The following WASHC2A variants were observed in gnomAD, a reference collection of about 807,000 sequenced individuals.
The protein encoded by WASHC2A is WASH complex subunit FAM21A.
In WASHC2A, 82 loss-of-function variants were observed where a neutral mutation model predicts 140.3. That is an observed-to-expected ratio of 0.58 (90% CI 0.49 to 0.70). WASHC2A has a LOEUF of 0.70. Among genes scored for constraint, WASHC2A ranks in the 30% least tolerant of loss-of-function variants. The pLI is 0.00. For missense variants in WASHC2A, 985 were observed against 1,521.8 expected, an observed-to-expected ratio of 0.65 and a Z score of 5.87; for synonymous variants, 340 against 560.8, an observed-to-expected ratio of 0.61 and a Z score of 5.56.
At chr10:50,126,375 T>A in intron 26 of WASHC2A, 196 bp downstream of exon 26, 1 of 746,426 alleles carries the variant, frequency 1.3e-6, no homozygotes, top group Non-Finnish European at 2.2e-6. Flanking sequence ...GTTTCATGAA[T>A]CTATACTTTA....
chr10:50,080,389 C>T (rs1353876175), intron 4 of WASHC2A, among the ~76,000 whole-genome samples: 1 of 148,482 alleles, frequency 6.7e-6, no homozygotes, highest in East Asian at 2.0e-4. Context: ...CAAGGGATAA[C>T]CAGGGCTCGT....
At chr10:50,105,988 C>T (rs1554888371) in intron 18 of WASHC2A, among the ~76,000 whole-genome samples, 1 of 152,206 alleles carries the variant, frequency 6.6e-6, no homozygotes, top group East Asian at 1.9e-4. Context: ...CTCCCGTGCC[C>T]ATTGCAGGCT....
chr10:50,104,882 TATA>T (rs1841599201), intron 18 of WASHC2A, among the ~76,000 whole-genome samples: 1 of 149,998 alleles, frequency 6.7e-6, no homozygotes, highest in African/African-American at 2.5e-5. Flanking sequence ...ATATAAATAG[TATA>T]ATATCTATTT....
chr10:50,123,687 T>C (rs1168347485), intron 23 of WASHC2A, among the ~76,000 whole-genome samples: 2 of 149,910 alleles, frequency 1.3e-5, no homozygotes, highest in Non-Finnish European at 2.9e-5. Context: ...TACCAAAAAA[T>C]CATTACATTT....
In WASHC2A at chr10:50,113,917, T is replaced by C; in HGVS notation, c.2062T>C (p.Ser688Pro). The C allele has an allele frequency of 2.4e-6, 1 of 422,832 alleles. No individual in the cohort carries two copies. Among genetic ancestry groups the C allele is most frequent in the Non-Finnish European group, 3.8e-6 (1 of 260,882 alleles). 26.2% of individuals were successfully genotyped at this position (422,832 alleles called of 1,614,324 possible). A position where few individuals can be genotyped will look rare whatever the true frequency, so the allele number is the denominator to read the frequency against. The change falls in exon 21 of 31, where the codon TCA (serine) becomes CCA (proline). Residue 688 changes from serine (S) to proline (P), a missense_variant. Physicochemically the swap from Ser to Pro is moderately conservative, Grantham distance 74. Coordinates refer to ENST00000282633, the MANE Select transcript of WASHC2A (RefSeq NM_001005751.3). ...TAGCCAAAAGAAGACCCAGAGAGTG[T>C]CACTCCTCTTTGAAGACGATGTTGA... ...KDSQKKTQRV[S>P]LLFEDDVDSG...
chr10:50,100,339 G>A (rs1840993019), intron 17 of WASHC2A, among the ~76,000 whole-genome samples: 1 of 151,344 alleles, frequency 6.6e-6, no homozygotes, highest in Admixed American at 6.6e-5. Context: ...AAAATTAGCT[G>A]GGTATGGTGG....
chr10:50,090,515 A>AATATAT (rs1203140565), intron 8 of WASHC2A, among the ~76,000 whole-genome samples: 4 of 108,732 alleles, frequency 3.7e-5, no homozygotes, highest in African/African-American at 1.3e-4. Flanking sequence ...AAAAAAAAAA[A>AATATAT]ATATATATAT....
At chr10:50,081,210 T>C (rs1417275963) in intron 5 of WASHC2A, among the ~76,000 whole-genome samples, 6 of 124,322 alleles carry the variant, frequency 4.8e-5, no homozygotes, top group African/African-American at 1.8e-4. Flanking sequence ...GAGACATACA[T>C]ACGAATAACC....
intron 19 of WASHC2A, among the ~76,000 whole-genome samples, chr10:50,108,985 C>T (rs1423286720): frequency 1.1e-3 from 173 of 151,122 alleles, no homozygotes; most frequent in African/African-American, 3.9e-3. Context: ...GGTACAGCCT[C>T]GTCATTGGAG....
At chr10:50,086,812 A>T (rs2132497656) in intron 7 of WASHC2A, among the ~76,000 whole-genome samples, 1 of 119,762 alleles carries the variant, frequency 8.3e-6, no homozygotes, top group Middle Eastern at 3.8e-3. Context: ...TCCATGGTGT[A>T]TATGTGCCAC....
Position 50,087,323 on chromosome 10 carries a change from G to A in WASHC2A, c.732+1G>A. 6.2e-7 allele frequency: 1 copy of A among 1,613,888 alleles called. No individual in the cohort carries two copies. Among genetic ancestry groups the A allele is most frequent in the Non-Finnish European group, 8.5e-7 (1 of 1,179,848 alleles). ...TCATAGTGACAATGAACAAAACCGG[G>A]TAAGGCTCATATATTGAAATGACTT... On this transcript the variant is annotated splice_donor_variant, in intron 8 of 30. Coordinates refer to ENST00000282633, the MANE Select transcript of WASHC2A (RefSeq NM_001005751.3). LOFTEE classifies it high-confidence loss of function.
intron 8 of WASHC2A, among the ~76,000 whole-genome samples, chr10:50,088,512 G>C (rs61843872): frequency 2.0e-5 from 3 of 151,642 alleles, no homozygotes; most frequent in Non-Finnish European, 4.4e-5. Flanking sequence ...CGCCCACTTC[G>C]CCCTCCCAGA....
intron 17 of WASHC2A, among the ~76,000 whole-genome samples, chr10:50,103,119 G>A (rs2132740946): frequency 6.6e-6 from 1 of 151,096 alleles, no homozygotes. Flanking sequence ...CAAAATGCTG[G>A]GATTATAGAC....
chr10:50,104,362 A>G (rs1420641483), intron 18 of WASHC2A, among the ~76,000 whole-genome samples: 3 of 140,130 alleles, frequency 2.1e-5, no homozygotes, highest in African/African-American at 7.6e-5. Context: ...TTCTTGATGC[A>G]GTTCTTTTTT....
chr10:50,132,365 A>G (rs934891934), intron 30 of WASHC2A, among the ~76,000 whole-genome samples: 1 of 152,280 alleles, frequency 6.6e-6, no homozygotes, highest in East Asian at 1.9e-4. Context: ...ACAGTCTTAC[A>G]TCGAGATGCC....
Position 50,069,526 on chromosome 10 carries a change from T to C in WASHC2A, c.127-21T>C, listed in dbSNP as rs781868691. 32 of 1,609,494 alleles carry C rather than the reference T, an allele frequency of 2.0e-5. No homozygotes were observed. The Admixed American group carries it at 5.4e-4, about 27-fold the overall frequency. On this transcript the variant is annotated intron_variant, in intron 2 of 30. Coordinates refer to ENST00000282633, the MANE Select transcript of WASHC2A (RefSeq NM_001005751.3). ...GTTACATGTAACATTGATACTACTGTATGTTTATTTTTTAAAATAGCTACT... is the reference window on the plus strand; with the variant it reads ...GTTACATGTAACATTGATACTACTGCATGTTTATTTTTTAAAATAGCTACT...
At chr10:50,091,978 A>G (rs1839974603) in intron 10 of WASHC2A, among the ~76,000 whole-genome samples, 184 bp from the exon 11 acceptor site, 1 of 152,268 alleles carries the variant, frequency 6.6e-6, no homozygotes, top group African/African-American at 2.4e-5. Context: ...TCTGCCTTAC[A>G]AAGAGACTCT....
In WASHC2A at chr10:50,089,483, C is replaced by T. The variant is rs1318302176; in HGVS notation, c.733-1293C>T. Among the ~76,000 whole-genome samples the T allele has an allele frequency of 2.7e-4, 41 of 151,738 alleles. No homozygotes were observed. The South Asian group carries it at 8.4e-3, about 31-fold the overall frequency. ...GTGTGTACCTTTGGAAAAATTAGAA[C>T]TTAACAGATAAGGCTAAGTTTGAGC... is the stretch of plus-strand genomic sequence containing the variant. On this transcript the variant is annotated intron_variant, in intron 8 of 30. Transcript: ENST00000282633.
At chr10:50,087,031 G>A (rs537785573) in intron 7 of WASHC2A, among the ~76,000 whole-genome samples, 52 of 144,542 alleles carry the variant, frequency 3.6e-4, no homozygotes, top group Admixed American at 9.4e-4. Context: ...ATTGTTAGAG[G>A]CATTTAAGTG....
Sources: allele counts gnomAD v4.1 joint callset (sites outside exome capture counted in the v4.1 genomes callset), GRCh38; gene constraint gnomAD v4.1.1; transcripts MANE v1.5; gene names NCBI Gene and HGNC (gene_info 2026-07-23, HGNC 2026-07-21).